GRIA4: variants seen among roughly 807,000 people sequenced by gnomAD.
The protein encoded by GRIA4 is glutamate ionotropic receptor AMPA type subunit 4.
A neutral mutation model predicts 104.0 loss-of-function variants in GRIA4; 34 were observed. That is an observed-to-expected ratio of 0.33 (90% CI 0.25 to 0.44). The LOEUF (loss-of-function observed/expected upper bound fraction) is 0.44, where lower values mean the gene tolerates loss of function less well. Ranked by LOEUF, GRIA4 falls within the 20% of genes least tolerant of loss-of-function variation. GRIA4 has a pLI of 1.00. For synonymous variants in GRIA4, 386 were observed against 381.9 expected (o/e 1.01, Z -0.13); for missense variants, 750 against 1,096.5 (o/e 0.68, Z 4.46).
chr11:105,782,692 C>A (rs1019108319), intron 4 of GRIA4, among the ~76,000 whole-genome samples: 8 of 152,160 alleles, frequency 5.3e-5, no homozygotes, highest in African/African-American at 1.9e-4. Flanking sequence ...TGGACTTAAG[C>A]ACTATTATAG....
intron 14 of GRIA4, among the ~76,000 whole-genome samples, chr11:105,952,710 CACTA>C (rs565692026): frequency 6.6e-6 from 1 of 152,300 alleles, no homozygotes; most frequent in African/African-American, 2.4e-5. Flanking sequence ...AAGGTTTCCA[CACTA>C]ACTTAATTAC....
chr11:105,808,461 T>C (rs757174538), intron 4 of GRIA4, among the ~76,000 whole-genome samples: 1 of 152,080 alleles, frequency 6.6e-6, no homozygotes, highest in Non-Finnish European at 1.5e-5. Flanking sequence ...TTTCAGAATT[T>C]GTAATAATCT....
At chr11:105,636,989 G>T (rs1336532523) in intron 3 of GRIA4, among the ~76,000 whole-genome samples, 1 of 152,098 alleles carries the variant, frequency 6.6e-6, no homozygotes, top group Non-Finnish European at 1.5e-5. Context: ...TCAGCATGTT[G>T]CAATACAAAA....
intron 16 of GRIA4, among the ~76,000 whole-genome samples, chr11:105,977,240 A>G (rs937925802): frequency 3.3e-5 from 5 of 152,042 alleles, no homozygotes; most frequent in Admixed American, 2.6e-4. Context: ...AGGGAATCTA[A>G]GGAAACATAT....
chr11:105,654,928 A>C (rs1442968632), intron 3 of GRIA4, among the ~76,000 whole-genome samples: 1 of 152,138 alleles, frequency 6.6e-6, no homozygotes, highest in Non-Finnish European at 1.5e-5. Context: ...TACCCAGATC[A>C]TATATACTTC....
chr11:105,704,156 T>C (rs1953608210), intron 3 of GRIA4, among the ~76,000 whole-genome samples: 1 of 152,010 alleles, frequency 6.6e-6, no homozygotes, highest in South Asian at 2.1e-4. Context: ...AATGGCCCAT[T>C]CTCCCATGCT....
intron 3 of GRIA4, among the ~76,000 whole-genome samples, chr11:105,665,148 G>T (rs1280564100): frequency 2.6e-5 from 4 of 151,826 alleles, no homozygotes; most frequent in African/African-American, 9.7e-5. Flanking sequence ...GAGTTTTTTT[G>T]AAATTCTCTT....
At chr11:105,955,967 CTGTT>C (rs1350518431) in intron 14 of GRIA4, among the ~76,000 whole-genome samples, 1 of 151,810 alleles carries the variant, frequency 6.6e-6, no homozygotes, top group African/African-American at 2.4e-5. Flanking sequence ...TTTGATGGGA[CTGTT>C]TGTTTTTCTC....
At chr11:105,905,041 T>C (rs1448467191) in intron 8 of GRIA4, among the ~76,000 whole-genome samples, 156 bp from the exon 9 acceptor site, 1 of 152,226 alleles carries the variant, frequency 6.6e-6, no homozygotes, top group African/African-American at 2.4e-5. Context: ...CTATTTCAGA[T>C]GCTATCCCAA....
At chr11:105,789,265 A>G (rs1942112683) in intron 4 of GRIA4, among the ~76,000 whole-genome samples, 1 of 152,170 alleles carries the variant, frequency 6.6e-6, no homozygotes, top group Non-Finnish European at 1.5e-5. Context: ...TAGTAGTCAT[A>G]TGCTTCCAAG....
chr11:105,653,335 G>A (rs917797989), intron 3 of GRIA4, among the ~76,000 whole-genome samples: 2 of 152,174 alleles, frequency 1.3e-5, no homozygotes, highest in African/African-American at 4.8e-5. Context: ...GTAACATTAG[G>A]ATGACTGGAA....
chr11:105,887,216 A>T (rs1294344157), intron 5 of GRIA4, among the ~76,000 whole-genome samples: 4 of 152,100 alleles, frequency 2.6e-5, no homozygotes, highest in Non-Finnish European at 4.4e-5. Context: ...ATGTTGATGT[A>T]TTCTCATGAG....
At chr11:105,780,728 G>C (rs1941688493) in intron 4 of GRIA4, among the ~76,000 whole-genome samples, 1 of 152,026 alleles carries the variant, frequency 6.6e-6, no homozygotes, top group Non-Finnish European at 1.5e-5. Flanking sequence ...AGTTTTACAA[G>C]ATGAAATGAA....
At chr11:105,854,302 A>C (rs1443437705) in intron 4 of GRIA4, among the ~76,000 whole-genome samples, 2 of 152,172 alleles carry the variant, frequency 1.3e-5, no homozygotes, top group African/African-American at 4.8e-5. Flanking sequence ...CTCACTGAAG[A>C]GAGGGCATTT....
At chr11:105,669,258 C>A (rs1428166155) in intron 3 of GRIA4, among the ~76,000 whole-genome samples, 1 of 151,856 alleles carries the variant, frequency 6.6e-6, no homozygotes, top group Non-Finnish European at 1.5e-5. Flanking sequence ...CAGCTTTACA[C>A]CAGTCTCTCT....
chr11:105,733,120 C>G (rs1473098161), intron 3 of GRIA4, among the ~76,000 whole-genome samples: 1 of 152,074 alleles, frequency 6.6e-6, no homozygotes. Flanking sequence ...TATCATATAC[C>G]TGAAAGCATT....
chr11:105,778,476 G>A (rs1352951510), intron 4 of GRIA4, among the ~76,000 whole-genome samples: 1 of 152,222 alleles, frequency 6.6e-6, no homozygotes, highest in East Asian at 1.9e-4. Context: ...GGAGGCCGAG[G>A]TGGGAGGATC....
chr11:105,788,187 T>A (rs554193681), intron 4 of GRIA4, among the ~76,000 whole-genome samples: 2 of 152,132 alleles, frequency 1.3e-5, no homozygotes, highest in South Asian at 4.1e-4. Flanking sequence ...AAATGTTATG[T>A]GATTGTTGTA....
In GRIA4 at chr11:105,979,657, C is replaced by T. The variant is rs1253734800; in HGVS notation, c.2627C>T (p.Pro876Leu). 1 of 1,613,394 alleles carries T rather than the reference C, an allele frequency of 6.2e-7. No individual in the cohort carries two copies. Among genetic ancestry groups the T allele is most frequent in the East Asian group, 2.2e-5 (1 of 44,900 alleles). Reference sequence around the variant, plus strand: ...GGAGAGAATGGCCGCGTCTTGACGCCTGACTGCCCAAAGGCTGTACACACT... The same window carrying T: ...GGAGAGAATGGCCGCGTCTTGACGCTTGACTGCCCAAAGGCTGTACACACT... The part of the protein sequence containing the change: ...SVGENGRVLT[P>L]DCPKAVHTGT... Residue 876 changes from proline (P) to leucine (L), a missense_variant, in exon 17 of 17, where the codon CCT (proline) becomes CTT (leucine). This residue lies in a region of GRIA4 where 68 missense variants were observed against 69.3 expected (regional missense o/e 0.98). Transcript: ENST00000282499.
Sources: allele counts gnomAD v4.1 joint callset (sites outside exome capture counted in the v4.1 genomes callset), GRCh38; gene constraint gnomAD v4.1.1; regional missense constraint gnomAD v4.1.1; transcripts MANE v1.5; gene names NCBI Gene and HGNC (gene_info 2026-07-23, HGNC 2026-07-21).